Variants in RRP15 observed in about 807,000 individuals in gnomAD.
RRP15 encodes the protein ribosomal RNA processing 15 homolog.
A neutral mutation model predicts 27.1 loss-of-function variants in RRP15; 18 were observed. That is an observed-to-expected ratio of 0.66 (90% CI 0.46 to 0.98). RRP15 has a LOEUF of 0.98. Ranked by LOEUF, RRP15 falls within the 50% of genes least tolerant of loss-of-function variation. The probability of loss-of-function intolerance (pLI) is 0.00; values close to 1 mark genes in which losing one functional copy is unlikely to be tolerated. For synonymous variants in RRP15, 107 were observed against 109.4 expected (o/e 0.98, Z 0.14); for missense variants, 359 against 337.8 (o/e 1.06, Z -0.49).
At chr1:218,328,758 G>A (rs1021115745) in intron 4 of RRP15, among the ~76,000 whole-genome samples, 2 of 152,116 alleles carry the variant, frequency 1.3e-5, no homozygotes, top group African/African-American at 4.8e-5. Flanking sequence ...AGGAGTAGAG[G>A]AGTAGCTCAG....
At chr1:218,294,565 G>A (rs901309795) in intron 1 of RRP15, among the ~76,000 whole-genome samples, 5 of 152,286 alleles carry the variant, frequency 3.3e-5, no homozygotes, top group African/African-American at 1.2e-4. Context: ...GGGTGAAGGT[G>A]TGTGGAGCTT....
At chr1:218,320,833 A>T (rs2102511965) in intron 4 of RRP15, among the ~76,000 whole-genome samples, 1 of 152,290 alleles carries the variant, frequency 6.6e-6, no homozygotes, top group East Asian at 1.9e-4. Flanking sequence ...CTTACTGAAA[A>T]TTTTTAACAA....
chr1:218,327,420 A>T (rs1292572878), intron 4 of RRP15, among the ~76,000 whole-genome samples: 1 of 151,892 alleles, frequency 6.6e-6, no homozygotes, highest in Non-Finnish European at 1.5e-5. Context: ...CTCCCTCCTT[A>T]GCTTCCCCAG....
intron 1 of RRP15, among the ~76,000 whole-genome samples, chr1:218,292,349 G>C (rs1655657996): frequency 6.6e-6 from 1 of 152,166 alleles, no homozygotes; most frequent in Admixed American, 6.5e-5. Context: ...CTTGTGCTTA[G>C]GGACACTGCA....
Position 218,294,876 on chromosome 1 carries a change from T to C in RRP15, c.140-7418T>C, listed in dbSNP as rs145443963. On this transcript the variant is annotated intron_variant, in intron 1 of 4. Coordinates refer to ENST00000366932, the MANE Select transcript of RRP15 (RefSeq NM_016052.4). ...TCATTAGCATACAAGAAGATACTCC[T>C]TTGGAGATTCCAAGGATTTTAGGAG... 3.0e-4 allele frequency among the ~76,000 whole-genome samples: 46 copies of C among 152,278 alleles called. 1 individual carries two copies. The highest frequency in any genetic ancestry group is 6.8e-3 in the Middle Eastern group (2 of 294).
chr1:218,317,996 A>G (rs1188564953), intron 4 of RRP15, among the ~76,000 whole-genome samples: 1 of 151,992 alleles, frequency 6.6e-6, no homozygotes, highest in Non-Finnish European at 1.5e-5. Context: ...CAGCCTCCCA[A>G]AGTGCTGGGA....
rs1471440139 is a variant in RRP15 at position 218,333,737 on chromosome 1, A to T, written c.*2646A>T. On this transcript the variant is annotated 3_prime_UTR_variant, in exon 5 of 5. Transcript: ENST00000366932. ...GGTTGTGAACTCCTGAGCTCAAGGGATCCCCCCGCCTCTTGCCTCCCAAAG... is the reference window on the plus strand; with the variant it reads ...GGTTGTGAACTCCTGAGCTCAAGGGTTCCCCCCGCCTCTTGCCTCCCAAAG... 6.6e-6 allele frequency: 1 copy of T among 152,098 alleles called. No individual in the cohort carries two copies. Among genetic ancestry groups the T allele is most frequent in the Non-Finnish European group, 1.5e-5 (1 of 68,058 alleles). The allele number at this position is 152,098 out of a possible 1,614,324, so 9.4% of individuals were successfully genotyped here. A position where few individuals can be genotyped will look rare whatever the true frequency, so the allele number is the denominator to read the frequency against.
intron 1 of RRP15, among the ~76,000 whole-genome samples, chr1:218,298,213 T>C (rs866455133): frequency 2.6e-5 from 4 of 152,196 alleles, no homozygotes; most frequent in Non-Finnish European, 4.4e-5. Context: ...TCTTACTTCC[T>C]TGGCTTCCTC....
chr1:218,319,950 T>A (rs1430061083), intron 4 of RRP15, among the ~76,000 whole-genome samples: 1 of 151,584 alleles, frequency 6.6e-6, no homozygotes, highest in African/African-American at 2.4e-5. Flanking sequence ...TAATTTACTA[T>A]GAAAATGAAT....
intron 4 of RRP15, among the ~76,000 whole-genome samples, chr1:218,321,965 A>G (rs1168293798): frequency 6.6e-6 from 1 of 152,158 alleles, no homozygotes; most frequent in East Asian, 1.9e-4. Flanking sequence ...AATTATGTCA[A>G]TCCAGTGTGT....
At chr1:218,322,488 AT>A (rs1173365699) in intron 4 of RRP15, among the ~76,000 whole-genome samples, 2 of 150,094 alleles carry the variant, frequency 1.3e-5, no homozygotes, top group African/African-American at 2.5e-5. Flanking sequence ...GAAACTTAGG[AT>A]TTGTGGAAAT....
chr1:218,296,146 G>A (rs1336874227), intron 1 of RRP15, among the ~76,000 whole-genome samples: 2 of 152,044 alleles, frequency 1.3e-5, no homozygotes, highest in Non-Finnish European at 2.9e-5. Flanking sequence ...TTAAATTCAA[G>A]CTTTATTAAA....
chr1:218,304,167 T>A (rs1280023605), intron 2 of RRP15, among the ~76,000 whole-genome samples: 10 of 152,142 alleles, frequency 6.6e-5, no homozygotes, highest in Admixed American at 5.9e-4. Context: ...TAATACAAAA[T>A]GAGAAATAGA....
Position 218,285,353 on chromosome 1 carries a change from G to A in RRP15, c.37G>A (p.Glu13Lys). The stretch of plus-strand genomic sequence containing the variant: ...CGCTCCGGACTCACGTGTGAGTGAG[G>A]AAGAAAACCTGAAAAAGACCCCAAA... ...AAAPDSRVSE[E>K]ENLKKTPKKK... Residue 13 changes from glutamate (E) to lysine (K), a missense_variant, in exon 1 of 5, where the codon GAA becomes AAA. Physicochemically the swap from Glu to Lys is moderately conservative, Grantham distance 56. Transcript: ENST00000366932. 6.2e-7 allele frequency: 1 copy of A among 1,614,164 alleles called. No homozygotes were observed. Among genetic ancestry groups the A allele is most frequent in the South Asian group, 1.1e-5 (1 of 91,076 alleles).
intron 4 of RRP15, among the ~76,000 whole-genome samples, chr1:218,323,040 C>T (rs1219676518): frequency 1.3e-5 from 2 of 152,138 alleles, no homozygotes; most frequent in Non-Finnish European, 2.9e-5. Flanking sequence ...CTTCCATGGC[C>T]GACACCAGGG....
intron 4 of RRP15, among the ~76,000 whole-genome samples, chr1:218,319,140 C>G (rs1656136530): frequency 6.6e-6 from 1 of 151,886 alleles, no homozygotes; most frequent in Admixed American, 6.6e-5. Flanking sequence ...GCTCGGCTCA[C>G]TGCAACCTCC....
chr1:218,333,910 G>T lies in RRP15; in HGVS notation c.*2819G>T, dbSNP rs1280941113. On this transcript the variant is annotated 3_prime_UTR_variant, in exon 5 of 5. Transcript: ENST00000366932. ...GTAACTACTTAGAATAATATAGTAG[G>T]TTACTTATCTTCGGTTAGAAAGAAC... 3 of 152,054 alleles carry T rather than the reference G, an allele frequency of 2.0e-5. No individual in the cohort carries two copies. Among genetic ancestry groups the T allele is most frequent in the Non-Finnish European group, 2.9e-5 (2 of 68,024 alleles). 9.4% of individuals were successfully genotyped at this position (152,054 alleles called of 1,614,324 possible).
chr1:218,322,661 T>G (rs1168459479), intron 4 of RRP15, among the ~76,000 whole-genome samples: 1 of 152,160 alleles, frequency 6.6e-6, no homozygotes, highest in Admixed American at 6.5e-5. Context: ...AGCTCCTATC[T>G]CAGGGGCAAC....
chr1:218,301,700 A>AC (rs1655813696), intron 1 of RRP15: 2 of 150,994 alleles, frequency 1.3e-5, no homozygotes, highest in African/African-American at 2.4e-5. Context: ...TTGTTAGATA[A>AC]TTTTTTTTTC....
Sources: gnomAD v4.1 joint callset for allele counts (sites outside exome capture counted in the v4.1 genomes callset) on GRCh38, gnomAD v4.1.1 for gene constraint, MANE v1.5 for transcripts, NCBI Gene and HGNC (gene_info 2026-07-23, HGNC 2026-07-21) for gene names.